Variants in GPR139 observed in about 807,000 individuals in gnomAD.
GPR139 encodes the protein probable G protein-coupled receptor 139.
A neutral mutation model predicts 25.8 loss-of-function variants in GPR139; 12 were observed. The observed-to-expected ratio is 0.47, with a 90% CI of 0.30 to 0.75. GPR139 has a LOEUF of 0.75. Ranked by LOEUF, GPR139 falls within the 30% of genes least tolerant of loss-of-function variation. GPR139 has a pLI of 0.07. For missense variants in GPR139, 380 were observed against 450.2 expected (o/e 0.84, Z 1.41); for synonymous variants, 184 against 179.9 (o/e 1.02, Z -0.18).
At chr16:20,051,072 A>AAAAAG (rs542691880) in intron 1 of GPR139, among the ~76,000 whole-genome samples, 39 of 145,644 alleles carry the variant, frequency 2.7e-4, no homozygotes, top group East Asian at 8.4e-4. Context: ...CAAAAAAAAA[A>AAAAAG]AAAGAAAGAA....
chr16:20,041,088 C>T (rs906395614), intron 1 of GPR139, among the ~76,000 whole-genome samples: 4 of 131,340 alleles, frequency 3.0e-5, no homozygotes, highest in African/African-American at 6.2e-5. Context: ...CCAGCCTGGG[C>T]GACAGAGTGA....
intron 1 of GPR139, among the ~76,000 whole-genome samples, chr16:20,052,533 C>T (rs1254096742): frequency 2.6e-5 from 4 of 152,280 alleles, no homozygotes; most frequent in African/African-American, 7.2e-5. Context: ...CGCGGTGGCT[C>T]ACGCCTGTAA....
rs904317379 is a variant in GPR139, at chr16:20,054,417, T to G, written c.127+19073A>C. 2.0e-5 allele frequency among the ~76,000 whole-genome samples: 3 copies of G among 151,626 alleles called. No individual in the cohort carries two copies. The East Asian group carries it at 5.8e-4, about 29-fold the overall frequency. ...AAGGCATAATTGTTCTTATCAGTTTTTTTTTTTCCAGACAATATAATTGTG... is the reference window on the plus strand; with the variant it reads ...AAGGCATAATTGTTCTTATCAGTTTGTTTTTTTCCAGACAATATAATTGTG... On this transcript the variant is annotated intron_variant, in intron 1 of 1. Coordinates refer to ENST00000570682, the MANE Select transcript of GPR139 (RefSeq NM_001002911.4).
intron 1 of GPR139, among the ~76,000 whole-genome samples, chr16:20,064,383 A>C (rs2057424255): frequency 1.3e-5 from 2 of 152,098 alleles, no homozygotes; most frequent in Non-Finnish European, 2.9e-5. Context: ...TCTACTAAAA[A>C]CACAAAAAAT....
rs555118685 is a variant in GPR139 at position 20,030,388 on chromosome 16, A to G, written c.*1347T>C. Among the ~76,000 whole-genome samples the G allele has an allele frequency of 8.6e-5, 13 of 151,252 alleles. No individual in the cohort carries two copies. In the South Asian group the frequency reaches 1.9e-3, roughly 22 times the overall value. Reference sequence around the variant, plus strand: ...GAATCTGAGGGAGAAGTTAAAAAAAAAAGAAGAAAAAAGAAACACTAAATA... The same window carrying G: ...GAATCTGAGGGAGAAGTTAAAAAAAGAAGAAGAAAAAAGAAACACTAAATA... On this transcript the variant is annotated 3_prime_UTR_variant, in exon 2 of 2. Transcript: ENST00000570682.
At chr16:20,057,190 G>T (rs1461746947) in intron 1 of GPR139, among the ~76,000 whole-genome samples, 1 of 152,196 alleles carries the variant, frequency 6.6e-6, no homozygotes, top group Non-Finnish European at 1.5e-5. Flanking sequence ...GTGCAGGCCG[G>T]TCGCATCTCA....
At chr16:20,051,881 C>T (rs779257653) in intron 1 of GPR139, among the ~76,000 whole-genome samples, 1 of 152,148 alleles carries the variant, frequency 6.6e-6, no homozygotes, top group African/African-American at 2.4e-5. Flanking sequence ...TGGTAACGAA[C>T]GTGGGCGCTG....
chr16:20,055,135 T>C (rs2057384559), intron 1 of GPR139, among the ~76,000 whole-genome samples: 1 of 142,274 alleles, frequency 7.0e-6, no homozygotes, highest in South Asian at 2.7e-4. Context: ...CAATGTGTGT[T>C]GTTCCCTTGT....
At chr16:20,061,222 G>T (rs1328241789) in intron 1 of GPR139, among the ~76,000 whole-genome samples, 3 of 118,304 alleles carry the variant, frequency 2.5e-5, no homozygotes, top group Non-Finnish European at 3.9e-5. Context: ...TGGATGGATG[G>T]ATGTGTGGAT....
At chr16:20,045,508 A>G (rs986799161) in intron 1 of GPR139, among the ~76,000 whole-genome samples, 1 of 152,218 alleles carries the variant, frequency 6.6e-6, no homozygotes, top group Admixed American at 6.5e-5. Flanking sequence ...CTCCATAATC[A>G]GCTCAGGGAA....
intron 1 of GPR139, among the ~76,000 whole-genome samples, chr16:20,041,540 C>T (rs759827438): frequency 5.3e-5 from 8 of 151,950 alleles, no homozygotes; most frequent in Non-Finnish European, 1.2e-4. Flanking sequence ...TTACCTGCCC[C>T]ACTCTGGACC....
chr16:20,035,784 T>C (rs1190747126), intron 1 of GPR139, among the ~76,000 whole-genome samples: 3 of 152,180 alleles, frequency 2.0e-5, no homozygotes, highest in Non-Finnish European at 4.4e-5. Context: ...GGGAGAAGTA[T>C]GAAGAGTTGG....
intron 1 of GPR139, among the ~76,000 whole-genome samples, chr16:20,054,514 G>T (rs1267933178): frequency 6.6e-6 from 1 of 152,046 alleles, no homozygotes; most frequent in Non-Finnish European, 1.5e-5. Flanking sequence ...GAGGACCAAA[G>T]CCCAGACGTA....
In GPR139 at chr16:20,073,248, GTCA is replaced by G. The variant is rs951168053; in HGVS notation, c.127+239_127+241del. Among the ~76,000 whole-genome samples the G allele has an allele frequency of 1.5e-5, 2 of 136,912 alleles. No individual in the cohort carries two copies. The highest frequency in any genetic ancestry group is 7.2e-5 in the Admixed American group (1 of 13,910). 89.8% of individuals were successfully genotyped at this position (136,912 alleles called of 152,430 possible). ...GCCCAGCCCATCGCCCGCCGTCACA[GTCA>G]TCACACACACACACACACACACACA... On this transcript the variant is annotated intron_variant, in intron 1 of 1. Transcript: ENST00000570682. The surrounding 1 kb of genome is among the most constrained non-coding windows in gnomAD (Gnocchi z 4.7).
intron 1 of GPR139, among the ~76,000 whole-genome samples, chr16:20,037,912 G>A (rs1567235249): frequency 6.6e-6 from 1 of 152,160 alleles, no homozygotes; most frequent in African/African-American, 2.4e-5. Flanking sequence ...CCAGGCTAGA[G>A]TGCAATGATG....
At chr16:20,044,994 AT>A (rs10581585) in intron 1 of GPR139, among the ~76,000 whole-genome samples, 65,132 of 86,066 alleles carry the variant, frequency 0.76, 24,471 homozygotes, top group Admixed American at 0.83. Flanking sequence ...CACTTGCACT[AT>A]TTTTTTTTTT....
chr16:20,046,860 G>A (rs1449336125), intron 1 of GPR139, among the ~76,000 whole-genome samples: 2 of 152,102 alleles, frequency 1.3e-5, no homozygotes, highest in Non-Finnish European at 2.9e-5. Context: ...CTTGAGGCCA[G>A]GAGTTTGAGA....
At position 20,030,618 on chromosome 16, in the gene GPR139, GT is replaced by G. The variant is rs2057284302; in HGVS notation, c.*1116del. Among the ~76,000 whole-genome samples the G allele has an allele frequency of 6.6e-6, 1 of 152,186 alleles. No homozygotes were observed. The highest frequency in any genetic ancestry group is 1.5e-5 in the Non-Finnish European group (1 of 68,040). On this transcript the variant is annotated 3_prime_UTR_variant, in exon 2 of 2. Transcript: ENST00000570682. ...TGGCACCCCCTTTTGAGCCATGTGC[GT>G]CAAAGGGCAGACGAGGCGTCAGCAT... is the stretch of plus-strand genomic sequence containing the variant.
At chr16:20,067,617 C>T (rs1340404050) in intron 1 of GPR139, among the ~76,000 whole-genome samples, 1 of 151,934 alleles carries the variant, frequency 6.6e-6, no homozygotes, top group African/African-American at 2.4e-5. Flanking sequence ...CCAGCCTGAC[C>T]AATGTGGAGA....
Sources: allele counts gnomAD v4.1 joint callset (sites outside exome capture counted in the v4.1 genomes callset), GRCh38; gene constraint gnomAD v4.1.1; non-coding constraint Gnocchi (gnomAD v3.1); transcripts MANE v1.5; gene names NCBI Gene and HGNC (gene_info 2026-07-23, HGNC 2026-07-21).